Variants in SPAG16 observed in about 807,000 individuals in gnomAD.
The protein encoded by SPAG16 is sperm-associated antigen 16 protein.
A neutral mutation model predicts 80.4 loss-of-function variants in SPAG16; 86 were observed. That is an observed-to-expected ratio of 1.07 (90% CI 0.90 to 1.28). The LOEUF (loss-of-function observed/expected upper bound fraction) is 1.28. Among genes scored for constraint, SPAG16 ranks in the 50% most tolerant of loss-of-function variants. The pLI is 0.00. For missense variants in SPAG16, 870 were observed against 765.3 expected (o/e 1.14, Z -1.61); for synonymous variants, 294 against 265.9 (o/e 1.11, Z -1.03).
intron 7 of SPAG16, among the ~76,000 whole-genome samples, chr2:213,352,304 C>G (rs1167401802): frequency 6.6e-6 from 1 of 151,946 alleles, no homozygotes; most frequent in Non-Finnish European, 1.5e-5. Flanking sequence ...TATAATCAAA[C>G]CTTCAGAATT....
In SPAG16 at chr2:213,735,255, A is replaced by C. The variant is rs188461669; in HGVS notation, c.1071-127230A>C. ...TTATTTAGGTTAGTATTCTGGAGCAACTCTTTACCAGATTTGTGATTGTGA... is the reference window on the plus strand; with the variant it reads ...TTATTTAGGTTAGTATTCTGGAGCACCTCTTTACCAGATTTGTGATTGTGA... On this transcript the variant is annotated intron_variant, in intron 10 of 15. Coordinates refer to ENST00000331683, the MANE Select transcript of SPAG16 (RefSeq NM_024532.5). Among the ~76,000 whole-genome samples, 216 of 152,230 alleles carry C rather than the reference A, an allele frequency of 1.4e-3. 2 individuals carry two copies. The highest frequency in any genetic ancestry group is 3.4e-3 in the Middle Eastern group (1 of 294).
intron 10 of SPAG16, among the ~76,000 whole-genome samples, chr2:213,820,058 G>T (rs1034467773): frequency 6.6e-6 from 1 of 151,018 alleles, no homozygotes; most frequent in Non-Finnish European, 1.5e-5. Flanking sequence ...GATTACAGGC[G>T]TGAGCCACCG....
At chr2:214,048,908 T>C (rs1048629185) in intron 13 of SPAG16, among the ~76,000 whole-genome samples, 1 of 152,108 alleles carries the variant, frequency 6.6e-6, no homozygotes, top group Non-Finnish European at 1.5e-5. Flanking sequence ...TTTAGTAGTT[T>C]AGACTCCCTC....
chr2:213,333,834 C>G (rs2064218153), intron 5 of SPAG16, among the ~76,000 whole-genome samples: 1 of 152,070 alleles, frequency 6.6e-6, no homozygotes, highest in Admixed American at 6.6e-5. Flanking sequence ...TATGTCTCAT[C>G]ATGTGCAAAA....
At chr2:214,174,379 A>G (rs925258965) in intron 15 of SPAG16, among the ~76,000 whole-genome samples, 1 of 152,002 alleles carries the variant, frequency 6.6e-6, no homozygotes, top group Non-Finnish European at 1.5e-5. Context: ...AACTTCAACA[A>G]AGTCTCAGGA....
intron 10 of SPAG16, among the ~76,000 whole-genome samples, chr2:213,845,748 T>A (rs990536810): frequency 2.6e-5 from 4 of 152,220 alleles, no homozygotes; most frequent in African/African-American, 9.6e-5. Context: ...AGGCATCTGA[T>A]ACAATCAGCT....
intron 12 of SPAG16, among the ~76,000 whole-genome samples, chr2:214,009,782 C>T (rs1292003272): frequency 6.6e-6 from 1 of 152,160 alleles, no homozygotes; most frequent in African/African-American, 2.4e-5. Flanking sequence ...GACAACAAAT[C>T]TGAATAGAAG....
intron 1 of SPAG16, 37 bp downstream of exon 1, chr2:213,284,656 CG>C (rs757796133): frequency 6.3e-7 from 1 of 1,593,280 alleles, no homozygotes; most frequent in Admixed American, 1.7e-5. Flanking sequence ...GCTGCGCTGG[CG>C]GGTAATGGGT....
chr2:213,861,916 A>T (rs2075483068), intron 10 of SPAG16, among the ~76,000 whole-genome samples: 1 of 152,174 alleles, frequency 6.6e-6, no homozygotes. Flanking sequence ...CATTGACTGA[A>T]GCCAATTTAA....
intron 12 of SPAG16, among the ~76,000 whole-genome samples, chr2:213,996,792 A>G (rs1457502796): frequency 1.3e-5 from 2 of 151,678 alleles, no homozygotes; most frequent in Non-Finnish European, 1.5e-5. Context: ...CTGGTCTCGA[A>G]CTCCTGACCT....
intron 15 of SPAG16, among the ~76,000 whole-genome samples, chr2:214,301,595 G>A (rs761098251): frequency 2.6e-5 from 4 of 152,066 alleles, no homozygotes; most frequent in Non-Finnish European, 5.9e-5. Flanking sequence ...GTAGTCTCAT[G>A]ATCTTTTACA....
intron 10 of SPAG16, among the ~76,000 whole-genome samples, chr2:213,713,051 C>T (rs967408472): frequency 2.0e-5 from 3 of 152,066 alleles, no homozygotes; most frequent in Admixed American, 6.6e-5. Flanking sequence ...GAATGAGTGC[C>T]GAGCGCAGTG....
At chr2:213,419,774 T>G (rs1277734153) in intron 9 of SPAG16, among the ~76,000 whole-genome samples, 1 of 152,178 alleles carries the variant, frequency 6.6e-6, no homozygotes, top group African/African-American at 2.4e-5. Context: ...GAACCAAAAG[T>G]ATGATTTAAA....
intron 12 of SPAG16, among the ~76,000 whole-genome samples, chr2:214,012,508 C>G (rs1009272031): frequency 3.3e-5 from 5 of 151,272 alleles, no homozygotes; most frequent in South Asian, 2.1e-4. Context: ...GTTGGTCAGG[C>G]TGGTCTCGAA....
Position 213,611,947 on chromosome 2 carries a change from T to A in SPAG16, c.1070+121857T>A, listed in dbSNP as rs368197436. Among the ~76,000 whole-genome samples the A allele has an allele frequency of 3.3e-5, 5 of 152,300 alleles. No individual in the cohort carries two copies. In the South Asian group the frequency reaches 6.2e-4, roughly 19 times the overall value. The stretch of plus-strand genomic sequence containing the variant: ...AATGTTCTCCACAATCAATATTTTT[T>A]ATGGGTGGAACTATGAAAACCAAGA... On this transcript the variant is annotated intron_variant, in intron 10 of 15. Transcript: ENST00000331683.
intron 12 of SPAG16, among the ~76,000 whole-genome samples, chr2:213,938,142 G>C (rs1025306021): frequency 2.6e-5 from 4 of 151,710 alleles, no homozygotes; most frequent in African/African-American, 9.7e-5. Context: ...ATACATTTCT[G>C]CTTTATTACT....
chr2:213,901,364 C>T (rs573105903), intron 11 of SPAG16, among the ~76,000 whole-genome samples: 1 of 152,184 alleles, frequency 6.6e-6, no homozygotes, highest in African/African-American at 2.4e-5. Context: ...CTAGTAAGGC[C>T]TGAACGCATT....
intron 10 of SPAG16, among the ~76,000 whole-genome samples, chr2:213,686,711 G>T (rs61132261): frequency 0.017 from 1,673 of 100,926 alleles, 35 homozygotes; most frequent in African/African-American, 0.058. Flanking sequence ...TTTTGAGACA[G>T]AGTCTCGCTC....
intron 10 of SPAG16, among the ~76,000 whole-genome samples, chr2:213,635,637 G>A (rs2062332611): frequency 6.6e-6 from 1 of 151,874 alleles, no homozygotes; most frequent in African/African-American, 2.4e-5. Context: ...TTGCATTGCG[G>A]TTTTGATTTG....
Sources: allele counts gnomAD v4.1 joint callset (sites outside exome capture counted in the v4.1 genomes callset), GRCh38; gene constraint gnomAD v4.1.1; transcripts MANE v1.5; gene names NCBI Gene and HGNC (gene_info 2026-07-23, HGNC 2026-07-21).